The following RPGRIP1L variants were observed in gnomAD, a reference collection of about 807,000 sequenced individuals.
The protein encoded by RPGRIP1L is RPGRIP1 like, also known as protein fantom.
In RPGRIP1L, 131 loss-of-function variants were observed where a neutral mutation model predicts 160.4. The observed-to-expected ratio is 0.82, with a 90% confidence interval of 0.71 to 0.94. The LOEUF is 0.94. RPGRIP1L is among the 40% of genes least tolerant of loss of function. RPGRIP1L has a pLI of 0.00. For synonymous variants in RPGRIP1L, 510 were observed against 515.8 expected (o/e 0.99, Z 0.15); for missense variants, 1,522 against 1,535.8 (o/e 0.99, Z 0.15).
At position 53,692,300 on chromosome 16, in the gene RPGRIP1L, G is replaced by T; in HGVS notation, c.295C>A (p.Pro99Thr). The change falls in exon 4 of 27, where the codon CCC becomes ACC. Residue 99 changes from proline (P) to threonine (T), a missense_variant. By Grantham distance (38) the Pro-to-Thr change is conservative (BLOSUM62 -1). Transcript: ENST00000647211. ...TCCACATCTCGTCCCAGCCGCTTGG[G>T]GCCGCCACCAACCCGCTCATATCTT... is the stretch of plus-strand genomic sequence containing the variant. Reference protein sequence around the residue: ...KKRYERVGGGPKRLGRDVEME... With the variant: ...KKRYERVGGGTKRLGRDVEME... 6.2e-7 allele frequency: 1 copy of T among 1,614,028 alleles called. No homozygotes were observed. Among genetic ancestry groups the T allele is most frequent in the Non-Finnish European group, 8.5e-7 (1 of 1,179,980 alleles).
At chr16:53,657,379 C>T in intron 13 of RPGRIP1L, 74 bp downstream of exon 13, 1 of 998,770 alleles carries the variant, frequency 1.0e-6, no homozygotes, top group Non-Finnish European at 1.5e-6. Context: ...CAGGTGATAA[C>T]ATACAGTATT....
chr16:53,624,802 G>C (rs554496558), intron 22 of RPGRIP1L, among the ~76,000 whole-genome samples: 2 of 109,190 alleles, frequency 1.8e-5, no homozygotes, highest in East Asian at 3.2e-4. Context: ...TGCTTTCCAC[G>C]GTCTCCCTCT....
intron 2 of RPGRIP1L, among the ~76,000 whole-genome samples, chr16:53,699,214 C>T (rs558018488): frequency 3.3e-5 from 5 of 151,594 alleles, no homozygotes; most frequent in African/African-American, 1.2e-4. Context: ...GAGTCATCAC[C>T]ACTCCCTAAT....
At chr16:53,663,375 G>C (rs146933678) in intron 10 of RPGRIP1L, among the ~76,000 whole-genome samples, 1 of 152,122 alleles carries the variant, frequency 6.6e-6, no homozygotes, top group East Asian at 1.9e-4. Flanking sequence ...GATCAGTTCA[G>C]ATATCCAAAA....
intron 14 of RPGRIP1L, among the ~76,000 whole-genome samples, chr16:53,653,879 C>T (rs1367319958): frequency 6.6e-6 from 1 of 152,152 alleles, no homozygotes; most frequent in Non-Finnish European, 1.5e-5. Flanking sequence ...CAACTCCATT[C>T]CTATATTTCT....
At chr16:53,610,447 C>T (rs1963956841) in intron 25 of RPGRIP1L, among the ~76,000 whole-genome samples, 1 of 152,184 alleles carries the variant, frequency 6.6e-6, no homozygotes, top group East Asian at 1.9e-4. Context: ...GCAATTAACA[C>T]TCACTGTGTG....
intron 10 of RPGRIP1L, among the ~76,000 whole-genome samples, chr16:53,662,629 T>C (rs1377984989): frequency 6.6e-6 from 1 of 152,072 alleles, no homozygotes; most frequent in African/African-American, 2.4e-5. Flanking sequence ...ATAGACAGTT[T>C]CGGTTTTTTT....
chr16:53,651,543 T>C (rs2079215068), intron 15 of RPGRIP1L, among the ~76,000 whole-genome samples: 1 of 152,208 alleles, frequency 6.6e-6, no homozygotes, highest in South Asian at 2.1e-4. Context: ...GCACTGGGCT[T>C]ACTGCTGTTC....
intron 4 of RPGRIP1L, among the ~76,000 whole-genome samples, chr16:53,689,748 C>A (rs551124156): frequency 6.6e-6 from 1 of 152,116 alleles, no homozygotes; most frequent in Non-Finnish European, 1.5e-5. Context: ...GTTAAAGTGT[C>A]AGTTTTGGTA....
rs1445612197 is a variant in RPGRIP1L, at chr16:53,605,535, C to T, written c.3781G>A (p.Asp1261Asn). 4 of 1,614,074 alleles carry T rather than the reference C, an allele frequency of 2.5e-6. No homozygotes were observed. Among genetic ancestry groups the T allele is most frequent in the East Asian group, 2.2e-5 (1 of 44,866 alleles). ...CCTTCCTGAAACATGTCGGCAAGGT[C>T]GACGTGAGCCACGCCAATGTCCTCA... ...ECEDIGVAHVDLADMFQEGRD... is the reference protein window; with the variant it reads ...ECEDIGVAHVNLADMFQEGRD... Residue 1261 changes from aspartate to asparagine, a missense_variant, in exon 26 of 27, where the codon GAC becomes AAC. Coordinates refer to ENST00000647211, the MANE Select transcript of RPGRIP1L (RefSeq NM_015272.5).
At chr16:53,675,524 C>T (rs1598380783) in intron 6 of RPGRIP1L, among the ~76,000 whole-genome samples, 1 of 152,092 alleles carries the variant, frequency 6.6e-6, no homozygotes. Context: ...CGCTACTTTT[C>T]CCTAAATGAA....
At chr16:53,660,796 G>A (rs1489648000) in intron 10 of RPGRIP1L, among the ~76,000 whole-genome samples, 1 of 151,600 alleles carries the variant, frequency 6.6e-6, no homozygotes, top group Non-Finnish European at 1.5e-5. Context: ...AGGAGGCTGA[G>A]GCAGGAGAAT....
chr16:53,700,765 C>T, intron 1 of RPGRIP1L, 35 bp from the exon 2 acceptor site: 3 of 1,476,708 alleles, frequency 2.0e-6, no homozygotes, highest in Non-Finnish European at 2.8e-6. Flanking sequence ...AAACTCTTTC[C>T]AAATTATTAC....
intron 6 of RPGRIP1L, among the ~76,000 whole-genome samples, chr16:53,682,259 A>G (rs1303406806): frequency 6.6e-6 from 1 of 152,182 alleles, no homozygotes; most frequent in African/African-American, 2.4e-5. Context: ...CTCTGCAATA[A>G]AAGTTCCTTT....
At chr16:53,657,746 T>C in intron 12 of RPGRIP1L, 114 bp from the exon 13 acceptor site, 1 of 660,420 alleles carries the variant, frequency 1.5e-6, no homozygotes, top group Middle Eastern at 4.1e-4. Flanking sequence ...TTCAATTTCA[T>C]TAATTGAAAA....
chr16:53,639,418 TCTC>T (rs1024955797), intron 19 of RPGRIP1L, among the ~76,000 whole-genome samples: 30 of 152,058 alleles, frequency 2.0e-4, no homozygotes, highest in African/African-American at 6.8e-4. Flanking sequence ...ATAAATATTT[TCTC>T]CTGATATGAA....
intron 3 of RPGRIP1L, chr16:53,695,393 G>T (rs978613676): frequency 1.4e-6 from 1 of 702,824 alleles, no homozygotes; most frequent in Non-Finnish European, 2.6e-6. Flanking sequence ...CACCTCCTTA[G>T]GATGGATTCT....
At chr16:53,637,630 T>C in intron 21 of RPGRIP1L, 65 bp downstream of exon 21, 1 of 1,416,078 alleles carries the variant, frequency 7.1e-7, no homozygotes, top group Non-Finnish European at 9.9e-7. Flanking sequence ...CTATGATGCA[T>C]ACTCTAACAG....
At chr16:53,625,371 C>T (rs150811962) in intron 22 of RPGRIP1L, among the ~76,000 whole-genome samples, 1,566 of 151,668 alleles carry the variant, frequency 0.01, 14 homozygotes, top group Non-Finnish European at 0.018. Context: ...CGCCCGGCCG[C>T]CACCCCGTCT....
Sources: gnomAD v4.1 joint callset for allele counts (sites outside exome capture counted in the v4.1 genomes callset) on GRCh38, gnomAD v4.1.1 for gene constraint, MANE v1.5 for transcripts, NCBI Gene and HGNC (gene_info 2026-07-23, HGNC 2026-07-21) for gene names.